Variants in NKAIN2 observed in about 807,000 individuals in gnomAD.
NKAIN2 encodes the protein sodium/potassium transporting ATPase interacting 2.
A neutral mutation model predicts 32.6 loss-of-function variants in NKAIN2; 14 were observed. The observed-to-expected ratio is 0.43, with a 90% CI of 0.28 to 0.67. The LOEUF (loss-of-function observed/expected upper bound fraction) is 0.67. Ranked by LOEUF, NKAIN2 falls within the 30% of genes least tolerant of loss-of-function variation. The pLI is 0.17. For synonymous variants in NKAIN2, 80 were observed against 87.2 expected (o/e 0.92, Z 0.46); for missense variants, 198 against 258.3 (o/e 0.77, Z 1.60).
chr6:123,981,302 A>G (rs1778886805), intron 1 of NKAIN2, among the ~76,000 whole-genome samples: 1 of 152,178 alleles, frequency 6.6e-6, no homozygotes, highest in African/African-American at 2.4e-5. Flanking sequence ...AGGTATGCAT[A>G]TACTTTAATT....
intron 1 of NKAIN2, among the ~76,000 whole-genome samples, chr6:124,274,050 C>T (rs911208): frequency 0.3 from 45,714 of 152,008 alleles, 7,844 homozygotes; most frequent in African/African-American, 0.45. Flanking sequence ...CAGCTCATTT[C>T]ACATGAGTAT....
At chr6:124,523,500 C>A (rs1236121997) in intron 3 of NKAIN2, among the ~76,000 whole-genome samples, 1 of 14,620 alleles carries the variant, frequency 6.8e-5, no homozygotes, top group African/African-American at 7.6e-5. Context: ...AAGTGAATCA[C>A]AATGGAAAGT....
At chr6:124,676,840 T>C (rs1773381109) in intron 4 of NKAIN2, among the ~76,000 whole-genome samples, 1 of 152,178 alleles carries the variant, frequency 6.6e-6, no homozygotes, top group African/African-American at 2.4e-5. Flanking sequence ...TGGTTAATAT[T>C]TGCATGGAGT....
chr6:124,123,072 G>T (rs1049234133), intron 1 of NKAIN2, among the ~76,000 whole-genome samples: 3 of 150,222 alleles, frequency 2.0e-5, no homozygotes, highest in African/African-American at 5.0e-5. Context: ...TCAAAATAAG[G>T]TTCCTTTTTT....
chr6:124,110,851 G>A (rs887450814), intron 1 of NKAIN2, among the ~76,000 whole-genome samples: 2 of 151,968 alleles, frequency 1.3e-5, no homozygotes, highest in African/African-American at 2.4e-5. Context: ...GCGCTGAGAT[G>A]GACATGCAAG....
intron 1 of NKAIN2, among the ~76,000 whole-genome samples, chr6:124,194,396 G>C (rs1790201088): frequency 6.6e-6 from 1 of 151,794 alleles, no homozygotes; most frequent in Non-Finnish European, 1.5e-5. Context: ...GTTATTTAAT[G>C]AGCATCTTTC....
At chr6:124,545,726 T>C (rs543692194) in intron 3 of NKAIN2, among the ~76,000 whole-genome samples, 2 of 152,114 alleles carry the variant, frequency 1.3e-5, no homozygotes, top group South Asian at 2.1e-4. Context: ...TGCTAACTAC[T>C]TTACTTGATG....
At chr6:124,641,638 G>A (rs1380364726) in intron 3 of NKAIN2, among the ~76,000 whole-genome samples, 6 of 130,802 alleles carry the variant, frequency 4.6e-5, no homozygotes, top group Middle Eastern at 4.8e-3. Context: ...TGCAACCTCC[G>A]CCTCCTGGGC....
At chr6:124,508,759 G>A (rs1436096936) in intron 3 of NKAIN2, among the ~76,000 whole-genome samples, 2 of 152,140 alleles carry the variant, frequency 1.3e-5, no homozygotes, top group East Asian at 1.9e-4. Context: ...TGGAAGAGCC[G>A]TATTCCTGCT....
intron 1 of NKAIN2, among the ~76,000 whole-genome samples, chr6:123,951,196 A>C (rs1206368795): frequency 6.6e-6 from 1 of 152,022 alleles, no homozygotes; most frequent in East Asian, 1.9e-4. Flanking sequence ...GATCATGGAG[A>C]ATGTCTTATG....
intron 1 of NKAIN2, among the ~76,000 whole-genome samples, chr6:124,239,198 C>T (rs62434676): frequency 0.014 from 2,084 of 152,126 alleles, 28 homozygotes; most frequent in Non-Finnish European, 0.022. Flanking sequence ...ACAGGAAGAG[C>T]GAACTATCAT....
chr6:123,926,782 T>A (rs951897057), intron 1 of NKAIN2, among the ~76,000 whole-genome samples: 1 of 152,236 alleles, frequency 6.6e-6, no homozygotes, highest in Non-Finnish European at 1.5e-5. Flanking sequence ...TGCAACCAGA[T>A]TAGTTGTAAC....
At chr6:124,393,803 A>G (rs760165618) in intron 3 of NKAIN2, among the ~76,000 whole-genome samples, 5 of 152,184 alleles carry the variant, frequency 3.3e-5, no homozygotes, top group Non-Finnish European at 5.9e-5. Flanking sequence ...ACCATGTTTT[A>G]TGTGCATGCG....
chr6:124,718,739 C>G (rs1288114297), intron 4 of NKAIN2, among the ~76,000 whole-genome samples: 1 of 151,856 alleles, frequency 6.6e-6, no homozygotes, highest in Non-Finnish European at 1.5e-5. Context: ...GCAACATGTG[C>G]TGGCAGAAAG....
At chr6:124,096,549 C>T (rs1348809833) in intron 1 of NKAIN2, among the ~76,000 whole-genome samples, 1 of 152,174 alleles carries the variant, frequency 6.6e-6, no homozygotes, top group Admixed American at 6.5e-5. Context: ...TCTTTTAAGG[C>T]TTTCTCCATG....
intron 1 of NKAIN2, among the ~76,000 whole-genome samples, chr6:124,082,686 A>G (rs1784029411): frequency 6.6e-6 from 1 of 152,050 alleles, no homozygotes. Context: ...GATCAGTGTC[A>G]CAAATTTTTA....
intron 1 of NKAIN2, among the ~76,000 whole-genome samples, chr6:123,816,052 A>G (rs1031399819): frequency 6.6e-5 from 10 of 152,176 alleles, no homozygotes; most frequent in Non-Finnish European, 1.3e-4. Flanking sequence ...ATGTGGTACT[A>G]GTATACGATA....
chr6:124,412,700 C>G (rs1052505598), intron 3 of NKAIN2, among the ~76,000 whole-genome samples: 8 of 152,204 alleles, frequency 5.3e-5, no homozygotes, highest in African/African-American at 1.9e-4. Flanking sequence ...CTCTTCAAAG[C>G]TGTCAGACAG....
chr6:124,151,168 G>T (rs1042244659), intron 1 of NKAIN2, among the ~76,000 whole-genome samples: 1 of 151,370 alleles, frequency 6.6e-6, no homozygotes, highest in Non-Finnish European at 1.5e-5. Context: ...TGGGAGCAAA[G>T]GGAAGAAAAC....
Sources: gnomAD v4.1 joint callset for allele counts (sites outside exome capture counted in the v4.1 genomes callset) on GRCh38, gnomAD v4.1.1 for gene constraint, MANE v1.5 for transcripts, NCBI Gene and HGNC (gene_info 2026-07-23, HGNC 2026-07-21) for gene names.